GPRC5B: variants seen among roughly 807,000 people sequenced by gnomAD.
GPRC5B encodes the protein G protein-coupled receptor family C group 5 member B.
A neutral mutation model predicts 30.1 loss-of-function variants in GPRC5B; 16 were observed. The observed-to-expected ratio is 0.53, with a 90% CI of 0.36 to 0.81. The LOEUF is 0.81. GPRC5B is among the 30% of genes least tolerant of loss of function. The pLI, the probability that GPRC5B is intolerant of heterozygous loss-of-function variation, is 0.01. For missense variants in GPRC5B, 428 were observed against 544.7 expected, an observed-to-expected ratio of 0.79 and a Z score of 2.13; for synonymous variants, 241 against 239.5, an observed-to-expected ratio of 1.01 and a Z score of -0.06.
chr16:19,868,014 C>A (rs2056680671), intron 2 of GPRC5B, among the ~76,000 whole-genome samples: 1 of 152,098 alleles, frequency 6.6e-6, no homozygotes, highest in Admixed American at 6.6e-5. Context: ...TTGCAGTGAG[C>A]TGAGACCACA....
At chr16:19,871,281 CAAAAAAAAAAA>C (rs71375667) in intron 2 of GPRC5B, among the ~76,000 whole-genome samples, 72 of 70,356 alleles carry the variant, frequency 1.0e-3, no homozygotes, top group African/African-American at 4.2e-3. Context: ...GACCCTGTCT[CAAAAAAAAAAA>C]AAAAAAAAGA....
At chr16:19,883,587 G>A (rs562845481) in intron 1 of GPRC5B, among the ~76,000 whole-genome samples, 75 of 152,356 alleles carry the variant, frequency 4.9e-4, no homozygotes, top group African/African-American at 1.7e-3. Context: ...GTCTTTGCGG[G>A]GTCCCCCAGG....
rs533913048 is a variant in GPRC5B, at chr16:19,867,906, C to T, written c.1030+3910G>A. On this transcript the variant is annotated intron_variant, in intron 2 of 3. Transcript: ENST00000300571. ...CTCTACTAAAAATACAAAAATTAGCCGGGTGTGATGGCACGCACATCTCAA... is the reference window on the plus strand; with the variant it reads ...CTCTACTAAAAATACAAAAATTAGCTGGGTGTGATGGCACGCACATCTCAA... 6.6e-5 allele frequency among the ~76,000 whole-genome samples: 10 copies of T among 151,396 alleles called. 2 individuals carry two copies. Among genetic ancestry groups the T allele is most frequent in the African/African-American group, 2.2e-4 (9 of 41,240 alleles).
chr16:19,856,759 TC>T lies in GPRC5B; in HGVS notation c.*3740del, dbSNP rs111765482. The T allele has an allele frequency of 0.011, 5,929 of 546,532 alleles. 300 individuals are homozygous for T. Among genetic ancestry groups the T allele is most frequent in the African/African-American group, 0.1 (5,422 of 52,394 alleles). 33.9% of individuals were successfully genotyped at this position (546,532 alleles called of 1,614,324 possible). A position where few individuals can be genotyped will look rare whatever the true frequency, so the allele number is the denominator to read the frequency against. ...GGACCAGTCTTCACTTTCTGCATTA[TC>T]CCCACATTTTATTCATTCATCCAGA... On this transcript the variant is annotated 3_prime_UTR_variant, in exon 4 of 4. Transcript: ENST00000300571.
intron 2 of GPRC5B, 64 bp downstream of exon 2, chr16:19,871,749 GGAA>G (rs1301383487): frequency 2.1e-6 from 3 of 1,423,446 alleles, no homozygotes; most frequent in East Asian, 2.3e-5. Context: ...CCACTGAAGA[GGAA>G]GAAGAGTATC....
chr16:19,871,972 T>A lies in GPRC5B; in HGVS notation c.874A>T (p.Ile292Phe), dbSNP rs2056723559. 1.2e-6 allele frequency: 2 copies of A among 1,614,056 alleles called. No homozygotes were observed. The highest frequency in any genetic ancestry group is 1.7e-6 in the Non-Finnish European group (2 of 1,180,008). Residue 292 changes from isoleucine to phenylalanine, a missense_variant, in exon 2 of 4, where the codon ATC becomes TTC. Physicochemically the swap from Ile to Phe is conservative, Grantham distance 21. Coordinates refer to ENST00000300571, the MANE Select transcript of GPRC5B (RefSeq NM_016235.3). ...VFVIFHAIPE[I>F]HCTLLPALQE... Reference sequence around the variant, plus strand: ...AGGGCTGGCAGAAGGGTGCAGTGGATCTCAGGGATGGCGTGGAAGATGACG... The same window carrying A: ...AGGGCTGGCAGAAGGGTGCAGTGGAACTCAGGGATGGCGTGGAAGATGACG...
intron 3 of GPRC5B, among the ~76,000 whole-genome samples, chr16:19,861,087 T>TA (rs3067833): frequency 0.014 from 1,265 of 93,370 alleles, 18 homozygotes; most frequent in Middle Eastern, 0.022. Flanking sequence ...CTGATTTACA[T>TA]AAAAAAAAAA....
chr16:19,868,610 G>A (rs1379620681), intron 2 of GPRC5B, among the ~76,000 whole-genome samples: 1 of 152,102 alleles, frequency 6.6e-6, no homozygotes, highest in Non-Finnish European at 1.5e-5. Flanking sequence ...GGCATCCCAG[G>A]GAGCCAGCCT....
In GPRC5B at chr16:19,860,338, A is replaced by C; in HGVS notation, c.*162T>G. 1.7e-6 allele frequency: 1 copy of C among 602,086 alleles called. No homozygotes were observed. The highest frequency in any genetic ancestry group is 3.6e-4 in the Middle Eastern group (1 of 2,754). The allele number at this position is 602,086 out of a possible 1,614,324, so 37.3% of individuals were successfully genotyped here. On this transcript the variant is annotated 3_prime_UTR_variant, in exon 4 of 4. Transcript: ENST00000300571. The stretch of plus-strand genomic sequence containing the variant: ...GTCGGTGTTAGCTTTTCAGTTCGTC[A>C]GTGTTCACATTTACACGAAATCCCC...
Position 19,858,318 on chromosome 16 carries a change from T to TA in GPRC5B, c.*2181dup, listed in dbSNP as rs2056589328. Reference sequence around the variant, plus strand: ...CCTAAGTGCGATAACATATCAGATTTAAAAGGGGGGAAAAAGGTCTCATTA... The same window carrying TA: ...CCTAAGTGCGATAACATATCAGATTTAAAAAGGGGGGAAAAAGGTCTCATTA... On this transcript the variant is annotated 3_prime_UTR_variant, in exon 4 of 4. Coordinates refer to ENST00000300571, the MANE Select transcript of GPRC5B (RefSeq NM_016235.3). The TA allele has an allele frequency of 2.3e-6, 1 of 443,578 alleles. No homozygotes were observed. The highest frequency in any genetic ancestry group is 4.0e-6 in the Non-Finnish European group (1 of 251,182). The allele number at this position is 443,578 out of a possible 1,614,324, so 27.5% of individuals were successfully genotyped here. A position where few individuals can be genotyped will look rare whatever the true frequency, so the allele number is the denominator to read the frequency against.
intron 1 of GPRC5B, among the ~76,000 whole-genome samples, 189 bp from the exon 2 acceptor site, chr16:19,873,035 T>C (rs2056735755): frequency 6.6e-6 from 1 of 152,126 alleles, no homozygotes; most frequent in Non-Finnish European, 1.5e-5. Flanking sequence ...ATCTGTACCC[T>C]TGGCTGGGTG....
At chr16:19,875,359 C>T (rs755221010) in intron 1 of GPRC5B, among the ~76,000 whole-genome samples, 11 of 152,372 alleles carry the variant, frequency 7.2e-5, no homozygotes, top group Admixed American at 1.3e-4. Flanking sequence ...CGGTCACTGA[C>T]GTGCCACCAC....
chr16:19,868,410 G>T (rs192845621), intron 2 of GPRC5B, among the ~76,000 whole-genome samples: 1 of 152,132 alleles, frequency 6.6e-6, no homozygotes, highest in Admixed American at 6.5e-5. Context: ...AAACATGAAT[G>T]TATAAAAGTT....
chr16:19,885,632 C>T (rs2056844230), upstream of GPRC5B: 1 of 1,003,246 alleles, frequency 1.0e-6, no homozygotes, highest in South Asian at 4.0e-5. This position sits in a 1 kb window ranked among gnomAD's most constrained non-coding sequence, Gnocchi z 5.3. Context: ...CTTCAGGGCT[C>T]ACACACTCAG....
intron 1 of GPRC5B, among the ~76,000 whole-genome samples, chr16:19,876,529 C>T (rs1326582727): frequency 6.6e-6 from 1 of 152,134 alleles, no homozygotes; most frequent in Non-Finnish European, 1.5e-5. Flanking sequence ...CCATTCACTC[C>T]CTGAGGGGGT....
chr16:19,862,063 A>AC, intron 2 of GPRC5B, 90 bp from the exon 3 acceptor site: 1 of 1,131,660 alleles, frequency 8.8e-7, no homozygotes, highest in Non-Finnish European at 1.3e-6. Flanking sequence ...CGCTCCGGGC[A>AC]CCCCCATCCA....
At chr16:19,866,285 T>C (rs912117861) in intron 2 of GPRC5B, among the ~76,000 whole-genome samples, 12 of 152,094 alleles carry the variant, frequency 7.9e-5, no homozygotes. Context: ...TCTGCCCCAT[T>C]GTGTGTGAGT....
chr16:19,866,679 G>C (rs1203744360), intron 2 of GPRC5B, among the ~76,000 whole-genome samples: 1 of 152,138 alleles, frequency 6.6e-6, no homozygotes, highest in East Asian at 1.9e-4. Flanking sequence ...AGCGCACCTG[G>C]CTATTATTTT....
upstream of GPRC5B, chr16:19,885,051 C>T (rs1198883209): frequency 4.3e-6 from 3 of 690,790 alleles, no homozygotes; most frequent in Non-Finnish European, 6.4e-6. The surrounding 1 kb of genome is among the most constrained non-coding windows in gnomAD (Gnocchi z 5.3). Context: ...GCTTCTAGCC[C>T]GGATCTCAGA....
Sources: allele counts gnomAD v4.1 joint callset (sites outside exome capture counted in the v4.1 genomes callset), GRCh38; gene constraint gnomAD v4.1.1; non-coding constraint Gnocchi (gnomAD v3.1); transcripts MANE v1.5; gene names NCBI Gene and HGNC (gene_info 2026-07-23, HGNC 2026-07-21).